Variants in HAPLN2 observed in about 807,000 individuals in gnomAD.
HAPLN2 encodes the protein hyaluronan and proteoglycan link protein 2, also known as brain link protein-1.
HAPLN2 carries 27 observed loss-of-function variants against 29.3 expected under a neutral mutation model. The observed-to-expected ratio is 0.92, with a 90% CI of 0.68 to 1.27. The LOEUF is 1.27. Among genes scored for constraint, HAPLN2 ranks in the 50% most tolerant of loss-of-function variants. The probability of loss-of-function intolerance (pLI) is 0.00; values close to 1 mark genes in which losing one functional copy is unlikely to be tolerated. For synonymous variants in HAPLN2, 208 were observed against 211.7 expected, an observed-to-expected ratio of 0.98 and a Z score of 0.15; for missense variants, 454 against 484.3, an observed-to-expected ratio of 0.94 and a Z score of 0.59.
At chr1:156,614,735 G>A (rs1678020830), upstream of HAPLN2, 1 of 152,110 alleles carries the variant, frequency 6.6e-6, no homozygotes, top group Admixed American at 6.5e-5. Context: ...GATGGGCTAA[G>A]AAAATAAACA....
At chr1:156,621,995 C>G (rs184674821) in intron 2 of HAPLN2, among the ~76,000 whole-genome samples, 3 of 151,530 alleles carry the variant, frequency 2.0e-5, no homozygotes, top group Non-Finnish European at 4.4e-5. Flanking sequence ...GGGGGAATAA[C>G]TACAGTACTG....
chr1:156,613,916 C>CA, the HAPLN2 span, among the ~76,000 whole-genome samples: 68,205 of 115,406 alleles, frequency 0.59, 20,617 homozygotes, highest in Non-Finnish European at 0.69. Flanking sequence ...GATTCCTTCT[C>CA]AAAAAAAAAA....
chr1:156,608,073 T>C, the HAPLN2 span, among the ~76,000 whole-genome samples: 1 of 152,236 alleles, frequency 6.6e-6, no homozygotes, highest in Non-Finnish European at 1.5e-5. Flanking sequence ...AACAGTACTT[T>C]ACTATTTAAA....
chr1:156,601,642 C>G, the HAPLN2 span: 3 of 613,874 alleles, frequency 4.9e-6, no homozygotes, highest in East Asian at 8.3e-5. Context: ...CGAGGCTGTT[C>G]CACTTGCCTC....
At position 156,625,336 on chromosome 1, in the gene HAPLN2, C is replaced by T. The variant is rs1448209060; in HGVS notation, c.975C>T (p.Pro325=). The part of the protein sequence containing the change: ...PDPGVRSFGF[P]RPQQAAYGTY... ...CCGGAGTGCGCAGTTTCGGCTTCCC[C>T]AGGCCCCAACAGGCAGCCTATGGGA... Residue 325 remains proline (P), a synonymous_variant, in exon 7 of 7, where the codon CCC becomes CCT. Coordinates refer to ENST00000255039, the MANE Select transcript of HAPLN2 (RefSeq NM_021817.3). This position sits in a 1 kb window ranked among gnomAD's most constrained non-coding sequence, Gnocchi z 5.7. The T allele has an allele frequency of 1.3e-6, 2 of 1,599,186 alleles. No homozygotes were observed. The highest frequency in any genetic ancestry group is 2.7e-5 in the African/African-American group (2 of 74,606).
At chr1:156,616,216 G>A (rs1344159690), upstream of HAPLN2, among the ~76,000 whole-genome samples, 11 of 152,140 alleles carry the variant, frequency 7.2e-5, no homozygotes, top group Non-Finnish European at 1.2e-4. Flanking sequence ...AGTAGGTATA[G>A]GACTGACAAA....
intron 2 of HAPLN2, among the ~76,000 whole-genome samples, chr1:156,621,103 T>TTA (rs1290798333): frequency 7.0e-4 from 1 of 1,438 alleles, no homozygotes; most frequent in African/African-American, 8.7e-4. Flanking sequence ...GAAGTCTTCA[T>TTA]TTTTTTTTTT....
At chr1:156,618,770 C>A (rs1678127693), upstream of HAPLN2, among the ~76,000 whole-genome samples, 1 of 115,124 alleles carries the variant, frequency 8.7e-6, no homozygotes, top group African/African-American at 3.6e-5. Flanking sequence ...CAGTGCGAGA[C>A]TCCGTCTCAA....
In HAPLN2 at chr1:156,624,345, C is replaced by T; in HGVS notation, c.440-6C>T. 1 of 1,597,400 alleles carries T rather than the reference C, an allele frequency of 6.3e-7. No homozygotes were observed. Among genetic ancestry groups the T allele is most frequent in the Non-Finnish European group, 8.5e-7 (1 of 1,171,836 alleles). ...GGCCCTCCCCAGGATCCCCGCCACC[C>T]CCTAGGTGTGGTGTTTCCGTACCAA... On this transcript the variant is annotated splice_polypyrimidine_tract_variant and splice_region_variant and intron_variant, in intron 4 of 6. Transcript: ENST00000255039.
chr1:156,613,078 T>C, the HAPLN2 span, among the ~76,000 whole-genome samples: 4 of 152,226 alleles, frequency 2.6e-5, no homozygotes, highest in South Asian at 2.1e-4. Flanking sequence ...AGGCCAGGCA[T>C]GGTGGCTCAC....
intron 2 of HAPLN2, among the ~76,000 whole-genome samples, chr1:156,621,429 G>T (rs1475147951): frequency 2.0e-5 from 3 of 151,570 alleles, no homozygotes; most frequent in Admixed American, 1.3e-4. Flanking sequence ...TTTAAGGTCA[G>T]AGGGATAAGA....
upstream of HAPLN2, among the ~76,000 whole-genome samples, chr1:156,616,962 A>G (rs1019837502): frequency 1.2e-4 from 18 of 151,962 alleles, no homozygotes; most frequent in Non-Finnish European, 2.4e-4. Flanking sequence ...GGTGGTGCAC[A>G]TCTGTGCACC....
At chr1:156,621,771 A>C (rs1053686436) in intron 2 of HAPLN2, among the ~76,000 whole-genome samples, 1 of 150,050 alleles carries the variant, frequency 6.7e-6, no homozygotes, top group Admixed American at 6.7e-5. Context: ...ATAAAGGAGG[A>C]GCTGGGTGCA....
At chr1:156,622,803 G>C (rs1409696285) in intron 2 of HAPLN2, among the ~76,000 whole-genome samples, 5 of 151,812 alleles carry the variant, frequency 3.3e-5, no homozygotes, top group African/African-American at 1.2e-4. Context: ...CAGGCACGGT[G>C]GCTCACGCCT....
At chr1:156,621,463 G>C (rs116064662) in intron 2 of HAPLN2, among the ~76,000 whole-genome samples, 4 of 151,490 alleles carry the variant, frequency 2.6e-5, no homozygotes, top group Non-Finnish European at 4.4e-5. Flanking sequence ...TGCTGGAGGC[G>C]ATGGCTCACA....
At chr1:156,623,407 C>T in intron 2 of HAPLN2, 60 bp from the exon 3 acceptor site, 1 of 1,429,714 alleles carries the variant, frequency 7.0e-7, no homozygotes. Context: ...ACCCACAACC[C>T]TGCTCTTCCC....
At chr1:156,604,576 C>T in the HAPLN2 span, among the ~76,000 whole-genome samples, 1 of 152,074 alleles carries the variant, frequency 6.6e-6, no homozygotes, top group African/African-American at 2.4e-5. Flanking sequence ...GCGGAGCCAC[C>T]GTGCCCGGCC....
Position 156,624,777 on chromosome 1 carries a change from C to A in HAPLN2, c.733C>A (p.Leu245Met). 6.6e-7 allele frequency: 1 copy of A among 1,504,378 alleles called. No homozygotes were observed. Among genetic ancestry groups the A allele is most frequent in the Non-Finnish European group, 8.8e-7 (1 of 1,135,154 alleles). 93.2% of individuals were successfully genotyped at this position (1,504,378 alleles called of 1,614,324 possible). A position where few individuals can be genotyped will look rare whatever the true frequency, so the allele number is the denominator to read the frequency against. Residue 245 changes from leucine (L) to methionine (M), a missense_variant, in exon 6 of 7, where the codon CTG (leucine) becomes ATG (methionine). This residue lies in a region of HAPLN2 where 235 missense variants were observed against 236.9 expected (regional missense o/e 0.99). Transcript: ENST00000255039. ...RYDAFCFTSA[L>M]AGQVFFVPGR... ...CGACGCCTTCTGCTTCACCTCCGCGCTGGCGGGTGAGGCGCGGGACGAAGG... is the reference window on the plus strand; with the variant it reads ...CGACGCCTTCTGCTTCACCTCCGCGATGGCGGGTGAGGCGCGGGACGAAGG...
chr1:156,612,619 C>CT, the HAPLN2 span, among the ~76,000 whole-genome samples: 2 of 152,180 alleles, frequency 1.3e-5, no homozygotes, highest in Admixed American at 6.5e-5. Context: ...CCTAAAGTCT[C>CT]TTTGATGTTG....
Sources: allele counts gnomAD v4.1 joint callset (sites outside exome capture counted in the v4.1 genomes callset), GRCh38; gene constraint gnomAD v4.1.1; regional missense constraint gnomAD v4.1.1; non-coding constraint Gnocchi (gnomAD v3.1); transcripts MANE v1.5; gene names NCBI Gene and HGNC (gene_info 2026-07-23, HGNC 2026-07-21).